The following ST6GALNAC2 variants were observed in gnomAD, a reference collection of about 807,000 sequenced individuals.
ST6GALNAC2 encodes the protein alpha-N-acetylgalactosaminide alpha-2,6-sialyltransferase 2.
A neutral mutation model predicts 38.7 loss-of-function variants in ST6GALNAC2; 42 were observed. The ratio of observed to expected loss-of-function variants is 1.09; its 90% CI spans 0.85 to 1.40. The LOEUF (loss-of-function observed/expected upper bound fraction) is 1.40, where lower values mean the gene tolerates loss of function less well. Ranked by LOEUF, ST6GALNAC2 falls within the 40% of genes most tolerant of loss-of-function variation. The pLI is 0.00. For missense variants in ST6GALNAC2, 506 were observed against 481.7 expected, an observed-to-expected ratio of 1.05 and a Z score of -0.47; for synonymous variants, 233 against 209.0, an observed-to-expected ratio of 1.11 and a Z score of -0.99.
At chr17:76,585,341 C>G (rs1197853316) in intron 1 of ST6GALNAC2, among the ~76,000 whole-genome samples, 1 of 152,250 alleles carries the variant, frequency 6.6e-6, no homozygotes, top group Non-Finnish European at 1.5e-5. Flanking sequence ...AAGTTTTTAT[C>G]TGCTTCGGGG....
chr17:76,573,157 T>A lies in ST6GALNAC2; in HGVS notation c.530+38A>T. ...GAGACACCCCCACCCTCCAGGCAAC[T>A]CTCCCTCCCGCCCCTCCCCAGCTCC... On this transcript the variant is annotated intron_variant, in intron 4 of 8. Transcript: ENST00000225276. This position sits in a 1 kb window ranked among gnomAD's most constrained non-coding sequence, Gnocchi z 5.1. The A allele has an allele frequency of 1.3e-6, 2 of 1,527,084 alleles. No individual in the cohort carries two copies. The highest frequency in any genetic ancestry group is 1.8e-6 in the Non-Finnish European group (2 of 1,119,828). The allele number at this position is 1,527,084 out of a possible 1,614,324, so 94.6% of individuals were successfully genotyped here. A position where few individuals can be genotyped will look rare whatever the true frequency, so the allele number is the denominator to read the frequency against.
intron 3 of ST6GALNAC2, 112 bp downstream of exon 3, chr17:76,574,253 A>G (rs1367869687): frequency 1.4e-5 from 18 of 1,266,916 alleles, no homozygotes; most frequent in Non-Finnish European, 1.7e-5. Context: ...AGAGGGGGAC[A>G]GGGAGACCTG....
intron 1 of ST6GALNAC2, chr17:76,581,089 C>G (rs955411491): frequency 6.6e-5 from 10 of 152,210 alleles, no homozygotes; most frequent in Admixed American, 3.3e-4. Flanking sequence ...TTACCTGCTT[C>G]TAGGTGCTGA....
chr17:76,568,394 G>A (rs1273393544), intron 7 of ST6GALNAC2: 4 of 315,226 alleles, frequency 1.3e-5, no homozygotes, highest in Non-Finnish European at 1.8e-5. Flanking sequence ...AGGTTCTGAT[G>A]CCCTGCTGCT....
intron 1 of ST6GALNAC2, chr17:76,579,056 A>G (rs1160013544): frequency 3.5e-6 from 1 of 287,136 alleles, no homozygotes; most frequent in Non-Finnish European, 6.6e-6. Context: ...AGTAGCTGGG[A>G]TTACAGGCAT....
rs1463585454 is a variant in ST6GALNAC2, at chr17:76,573,991, G to C, written c.361+374C>G. Among the ~76,000 whole-genome samples, 1 of 152,124 alleles carries C rather than the reference G, an allele frequency of 6.6e-6. No homozygotes were observed. The highest frequency in any genetic ancestry group is 1.5e-5 in the Non-Finnish European group (1 of 68,012). The stretch of plus-strand genomic sequence containing the variant: ...GAGGCCTGTGGGGGTTTGGGTGCAG[G>C]TATAATGTAGAGGGGGCTCTGGGCC... On this transcript the variant is annotated intron_variant, in intron 3 of 8. Coordinates refer to ENST00000225276, the MANE Select transcript of ST6GALNAC2 (RefSeq NM_006456.3). The surrounding 1 kb of genome is among the most constrained non-coding windows in gnomAD (Gnocchi z 5.1).
chr17:76,574,309 G>T, intron 3 of ST6GALNAC2, 56 bp downstream of exon 3: 1 of 1,573,544 alleles, frequency 6.4e-7, no homozygotes. Flanking sequence ...CTACTTCAGG[G>T]CAAAGAGCAG....
intron 7 of ST6GALNAC2, 64 bp from the exon 8 acceptor site, chr17:76,567,616 C>G (rs534571353): frequency 9.0e-7 from 1 of 1,114,406 alleles, no homozygotes; most frequent in Non-Finnish European, 1.4e-6. Context: ...TTCACAACTA[C>G]ACATTCAAAT....
At chr17:76,583,102 G>A (rs113191985) in intron 1 of ST6GALNAC2, among the ~76,000 whole-genome samples, 8,662 of 152,160 alleles carry the variant, frequency 0.057, 594 homozygotes, top group African/African-American at 0.16. Context: ...GGGGCTGGGC[G>A]CGGTGGCTCA....
chr17:76,579,344 G>T (rs1051764307), intron 1 of ST6GALNAC2, among the ~76,000 whole-genome samples: 1 of 152,262 alleles, frequency 6.6e-6, no homozygotes, highest in East Asian at 1.9e-4. Context: ...GAAATGTGGA[G>T]TTTATAGGAA....
intron 2 of ST6GALNAC2, among the ~76,000 whole-genome samples, chr17:76,576,393 C>T (rs931237018): frequency 2.6e-5 from 4 of 152,078 alleles, no homozygotes; most frequent in African/African-American, 7.2e-5. Context: ...ACTGATGTCC[C>T]GTGGTTAAAG....
At chr17:76,575,548 C>T (rs2075406331) in intron 2 of ST6GALNAC2, among the ~76,000 whole-genome samples, 1 of 152,236 alleles carries the variant, frequency 6.6e-6, no homozygotes, top group Non-Finnish European at 1.5e-5. Context: ...GGGAGGCTTT[C>T]TTCGAGCCTT....
intron 1 of ST6GALNAC2, 24 bp downstream of exon 1, chr17:76,585,660 C>T (rs2143329225): frequency 6.6e-7 from 1 of 1,512,362 alleles, no homozygotes; most frequent in East Asian, 2.7e-5. Flanking sequence ...TGCGCCCTCC[C>T]GCTCTGCGCT....
Position 76,585,827 on chromosome 17 carries a change from C to CTGACGTCCCAG in ST6GALNAC2, c.-20_-19insCTGGGACGTCA. The CTGACGTCCCAG allele has an allele frequency of 6.6e-7, 1 of 1,526,648 alleles. No homozygotes were observed. The highest frequency in any genetic ancestry group is 8.8e-7 in the Non-Finnish European group (1 of 1,139,760). The allele number at this position is 1,526,648 out of a possible 1,614,324, so 94.6% of individuals were successfully genotyped here. ...GCCCCATACAGCCCCGGCCCGCGAG[C>CTGACGTCCCAG]GCCCCGTCCGCTGACGTCCCAGGCA... On this transcript the variant is annotated 5_prime_UTR_variant, in exon 1 of 9. Transcript: ENST00000225276.
In ST6GALNAC2 at chr17:76,573,182, C is replaced by G. The variant is rs759002318; in HGVS notation, c.530+13G>C. 25 of 1,607,306 alleles carry G rather than the reference C, an allele frequency of 1.6e-5. No individual in the cohort carries two copies. The South Asian group carries it at 2.8e-4, about 18-fold the overall frequency. The stretch of plus-strand genomic sequence containing the variant: ...TCTCCCTCCCGCCCCTCCCCAGCTC[C>G]TACCCCTCATACCTGAATACATAGT... On this transcript the variant is annotated intron_variant, in intron 4 of 8. Transcript: ENST00000225276. The surrounding 1 kb of genome is among the most constrained non-coding windows in gnomAD (Gnocchi z 5.1).
chr17:76,577,299 C>G (rs932670233), intron 2 of ST6GALNAC2, among the ~76,000 whole-genome samples: 2 of 151,668 alleles, frequency 1.3e-5, no homozygotes, highest in Non-Finnish European at 2.9e-5. Flanking sequence ...AACTCCTGAT[C>G]TCAGGTGATC....
intron 2 of ST6GALNAC2, 123 bp from the exon 3 acceptor site, chr17:76,574,662 G>T: frequency 1.3e-6 from 1 of 775,806 alleles, no homozygotes. Flanking sequence ...CTCCAGATTG[G>T]GGCCATCCTT....
At chr17:76,583,375 C>CAAAAAAAAAAAAAAA (rs71158028) in intron 1 of ST6GALNAC2, among the ~76,000 whole-genome samples, 34 of 97,496 alleles carry the variant, frequency 3.5e-4, no homozygotes, top group African/African-American at 1.0e-3. Context: ...GACTCTGTCC[C>CAAAAAAAAAAAAAAA]AAAAAAAAAA....
intron 4 of ST6GALNAC2, 58 bp from the exon 5 acceptor site, chr17:76,572,833 T>C: frequency 1.2e-6 from 2 of 1,605,868 alleles, no homozygotes; most frequent in South Asian, 1.1e-5. Context: ...CTGTTCTGCT[T>C]CCATCTCCAC....
Sources: gnomAD v4.1 joint callset for allele counts (sites outside exome capture counted in the v4.1 genomes callset) on GRCh38, gnomAD v4.1.1 for gene constraint, Gnocchi (gnomAD v3.1) non-coding constraint, MANE v1.5 for transcripts, NCBI Gene and HGNC (gene_info 2026-07-23, HGNC 2026-07-21) for gene names.